The following CDK14 variants were observed in gnomAD, a reference collection of about 807,000 sequenced individuals.
The protein encoded by CDK14 is cyclin-dependent kinase 14.
In CDK14, 34 loss-of-function variants were observed where a neutral mutation model predicts 60.7. The observed-to-expected ratio is 0.56, with a 90% CI of 0.43 to 0.75. CDK14 has a LOEUF of 0.75. CDK14 is among the 30% of genes least tolerant of loss of function. The pLI, the probability that CDK14 is intolerant of heterozygous loss-of-function variation, is 0.00. For synonymous variants in CDK14, 197 were observed against 203.7 expected, an observed-to-expected ratio of 0.97 and a Z score of 0.28; for missense variants, 482 against 564.1, an observed-to-expected ratio of 0.85 and a Z score of 1.47.
intron 5 of CDK14, among the ~76,000 whole-genome samples, chr7:90,835,149 C>A (rs562039484): frequency 6.6e-6 from 1 of 151,734 alleles, no homozygotes; most frequent in African/African-American, 2.4e-5. Flanking sequence ...GAGGTTTTTG[C>A]GAGACAGAAA....
At chr7:90,706,255 C>A (rs145588129) in intron 2 of CDK14, among the ~76,000 whole-genome samples, 65 of 152,306 alleles carry the variant, frequency 4.3e-4, no homozygotes, top group African/African-American at 1.5e-3. Context: ...TTTCCTGCAG[C>A]TTTGCGCTCT....
At chr7:90,912,081 A>T (rs1483136223) in intron 7 of CDK14, among the ~76,000 whole-genome samples, 1 of 152,224 alleles carries the variant, frequency 6.6e-6, no homozygotes, top group Admixed American at 6.5e-5. Context: ...TTCAAACTGG[A>T]ATATAAATCT....
intron 2 of CDK14, among the ~76,000 whole-genome samples, chr7:90,659,175 T>C (rs914991126): frequency 4.5e-4 from 69 of 152,348 alleles, no homozygotes; most frequent in African/African-American, 1.6e-3. Flanking sequence ...TTGGTCATTA[T>C]ATATAAAGTG....
chr7:90,728,550 T>TA (rs1802727142), intron 3 of CDK14, among the ~76,000 whole-genome samples: 1 of 152,172 alleles, frequency 6.6e-6, no homozygotes, highest in Non-Finnish European at 1.5e-5. Flanking sequence ...TTTCAATGAA[T>TA]AACATATCAC....
At chr7:90,831,716 C>G (rs749653991) in intron 5 of CDK14, among the ~76,000 whole-genome samples, 1 of 151,970 alleles carries the variant, frequency 6.6e-6, no homozygotes, top group Non-Finnish European at 1.5e-5. Context: ...ACCCTTTTCC[C>G]CATTATCTGT....
At chr7:90,714,594 G>A (rs771137973) in intron 2 of CDK14, among the ~76,000 whole-genome samples, 2 of 151,958 alleles carry the variant, frequency 1.3e-5, no homozygotes, top group Non-Finnish European at 2.9e-5. Context: ...CTCCTCAAAG[G>A]TTCATTGTTC....
intron 14 of CDK14, among the ~76,000 whole-genome samples, chr7:91,184,712 A>G (rs1183140249): frequency 6.6e-6 from 1 of 152,142 alleles, no homozygotes; most frequent in Admixed American, 6.5e-5. Context: ...TGAAGGCAGT[A>G]GTGGGAATTC....
intron 6 of CDK14, among the ~76,000 whole-genome samples, chr7:90,873,045 A>AT (rs1206870309): frequency 2.6e-5 from 4 of 151,952 alleles, no homozygotes; most frequent in East Asian, 1.9e-4. Context: ...TCTCATGTTA[A>AT]TTTTTTTTAA....
At chr7:91,129,389 A>C (rs1250582441) in intron 14 of CDK14, among the ~76,000 whole-genome samples, 1 of 152,186 alleles carries the variant, frequency 6.6e-6, no homozygotes, top group East Asian at 1.9e-4. Context: ...GGAAGTTAAA[A>C]GTATTGATTT....
At chr7:90,981,615 C>G (rs1214492666) in intron 9 of CDK14, among the ~76,000 whole-genome samples, 2 of 152,018 alleles carry the variant, frequency 1.3e-5, no homozygotes, top group Non-Finnish European at 2.9e-5. Context: ...GGTCTTAACC[C>G]CTAGGTTTAT....
At chr7:91,148,650 T>G (rs974719021) in intron 14 of CDK14, among the ~76,000 whole-genome samples, 2 of 152,126 alleles carry the variant, frequency 1.3e-5, no homozygotes, top group African/African-American at 4.8e-5. Flanking sequence ...TAGACAACAA[T>G]CAGTGAGTCT....
chr7:90,814,815 C>T (rs1238747268), intron 5 of CDK14, among the ~76,000 whole-genome samples: 1 of 152,132 alleles, frequency 6.6e-6, no homozygotes, highest in Non-Finnish European at 1.5e-5. Flanking sequence ...CTTATGCAGC[C>T]AGGAAGCTGA....
intron 6 of CDK14, among the ~76,000 whole-genome samples, chr7:90,876,800 C>T (rs187554867): frequency 6.6e-6 from 1 of 152,230 alleles, no homozygotes; most frequent in Admixed American, 6.5e-5. Flanking sequence ...ATTATGTAAA[C>T]CAATGTATAA....
intron 4 of CDK14, among the ~76,000 whole-genome samples, chr7:90,750,226 A>G (rs891292108): frequency 5.3e-5 from 8 of 152,194 alleles, no homozygotes; most frequent in Non-Finnish European, 7.4e-5. Flanking sequence ...AGAAAGAAAA[A>G]GAAAAAATGC....
intron 11 of CDK14, among the ~76,000 whole-genome samples, chr7:91,076,367 T>G (rs1027709020): frequency 6.6e-6 from 1 of 151,310 alleles, no homozygotes; most frequent in African/African-American, 2.4e-5. Flanking sequence ...CCATCTGATC[T>G]TCGACAAACC....
chr7:90,850,597 C>A (rs969274630), intron 5 of CDK14, among the ~76,000 whole-genome samples: 2 of 152,108 alleles, frequency 1.3e-5, no homozygotes, highest in African/African-American at 4.8e-5. Flanking sequence ...GGCCCAGAAG[C>A]TGTGGAAGAG....
In CDK14 at chr7:90,596,450, A is replaced by G; in HGVS notation, c.-178A>G. On this transcript the variant is annotated 5_prime_UTR_variant, in exon 1 of 15. Transcript: ENST00000380050. Reference sequence around the variant, plus strand: ...CCAGCTGCGGCCCAGGCCGGAGCGGAGCCTGCCGTCCTCCGCCTGCCTGCT... The same window carrying G: ...CCAGCTGCGGCCCAGGCCGGAGCGGGGCCTGCCGTCCTCCGCCTGCCTGCT... 2.0e-6 allele frequency: 1 copy of G among 499,594 alleles called. No individual in the cohort carries two copies. Among genetic ancestry groups the G allele is most frequent in the Non-Finnish European group, 3.5e-6 (1 of 282,606 alleles). The allele number at this position is 499,594 out of a possible 1,614,324, so 30.9% of individuals were successfully genotyped here. A position where few individuals can be genotyped will look rare whatever the true frequency, so the allele number is the denominator to read the frequency against.
At chr7:91,198,503 T>C (rs1562991559) in intron 14 of CDK14, among the ~76,000 whole-genome samples, 1 of 152,080 alleles carries the variant, frequency 6.6e-6, no homozygotes, top group African/African-American at 2.4e-5. Context: ...AAAGAAAGCA[T>C]GTGGGATGCA....
intron 6 of CDK14, among the ~76,000 whole-genome samples, chr7:90,897,077 C>T (rs939725246): frequency 2.0e-5 from 3 of 151,832 alleles, no homozygotes; most frequent in South Asian, 2.1e-4. Context: ...TGAAATTTTC[C>T]GTTTCTTCTT....
Sources: allele counts gnomAD v4.1 joint callset (sites outside exome capture counted in the v4.1 genomes callset), GRCh38; gene constraint gnomAD v4.1.1; transcripts MANE v1.5; gene names NCBI Gene and HGNC (gene_info 2026-07-23, HGNC 2026-07-21).